ZZZ3: variants seen among roughly 807,000 people sequenced by gnomAD.
ZZZ3 encodes ZZ-type zinc finger-containing protein 3.
ZZZ3 carries 22 observed loss-of-function variants against 95.2 expected under a neutral mutation model. The observed-to-expected ratio is 0.23, with a 90% CI of 0.17 to 0.33. ZZZ3 has a LOEUF of 0.33. Among genes scored for constraint, ZZZ3 ranks in the 10% least tolerant of loss-of-function variants. The pLI is 1.00. For synonymous variants in ZZZ3, 335 were observed against 358.9 expected (o/e 0.93, Z 0.75); for missense variants, 885 against 1,066.5 (o/e 0.83, Z 2.37).
chr1:77,654,024 T>C (rs766749998), intron 1 of ZZZ3, among the ~76,000 whole-genome samples: 8 of 151,350 alleles, frequency 5.3e-5, no homozygotes, highest in Admixed American at 4.6e-4. Flanking sequence ...CCGTCTCTAC[T>C]AAAAATACAA....
chr1:77,643,744 C>G (rs900322239), intron 1 of ZZZ3, among the ~76,000 whole-genome samples: 6 of 152,216 alleles, frequency 3.9e-5, no homozygotes, highest in Non-Finnish European at 7.3e-5. Context: ...GTAAATCTCA[C>G]TAGAAGATAC....
rs1340781080 is a variant in ZZZ3 at position 77,633,015 on chromosome 1, G to T, written c.340C>A (p.Pro114Thr). 1.2e-6 allele frequency: 2 copies of T among 1,613,778 alleles called. No individual in the cohort carries two copies. Among genetic ancestry groups the T allele is most frequent in the East Asian group, 4.5e-5 (2 of 44,886 alleles). Residue 114 changes from proline to threonine, a missense_variant, in exon 5 of 15, where the codon CCA becomes ACA. By Grantham distance (38) the Pro-to-Thr change is conservative (BLOSUM62 -1). Around this residue, in one of 5 missense-constraint regions of ZZZ3, gnomAD observed 556 missense variants for 652.9 expected, o/e 0.85. Coordinates refer to ENST00000370801, the MANE Select transcript of ZZZ3 (RefSeq NM_015534.6). The part of the protein sequence containing the change: ...CERRQTEPVS[P>T]VLKRIKRCLR... The stretch of plus-strand genomic sequence containing the variant: ...CAACGCTTAATTCTTTTTAAAACTG[G>T]TGAAACAGGTTCTGTTTGCCTTCTC...
intron 5 of ZZZ3, among the ~76,000 whole-genome samples, chr1:77,625,986 G>C (rs1477494050): frequency 6.6e-6 from 1 of 151,498 alleles, no homozygotes; most frequent in South Asian, 2.1e-4. Context: ...GACAGAGTGA[G>C]ACCCTGTCTC....
At chr1:77,659,013 G>C (rs1670542948) in intron 1 of ZZZ3, among the ~76,000 whole-genome samples, 1 of 152,122 alleles carries the variant, frequency 6.6e-6, no homozygotes, top group East Asian at 1.9e-4. Context: ...GAGGTCAGGA[G>C]TTCGAGACCA....
At chr1:77,607,767 C>A (rs945067095) in intron 5 of ZZZ3, among the ~76,000 whole-genome samples, 4 of 151,898 alleles carry the variant, frequency 2.6e-5, no homozygotes, top group Admixed American at 6.6e-5. Flanking sequence ...CCTAAAAATA[C>A]AAAAATTAGC....
chr1:77,590,202 T>G lies in ZZZ3; in HGVS notation c.1506-5547A>C, dbSNP rs184061770. Among the ~76,000 whole-genome samples, 235 of 152,250 alleles carry G rather than the reference T, an allele frequency of 1.5e-3. 1 individual carries two copies. The highest frequency in any genetic ancestry group is 2.7e-3 in the Non-Finnish European group (184 of 67,990). ...AGCCTGGCCAACATGGTGAAGCCCC[T>G]GTCTCTACTAAAAATACAAAAATTA... On this transcript the variant is annotated intron_variant, in intron 5 of 14. Transcript: ENST00000370801.
intron 1 of ZZZ3, among the ~76,000 whole-genome samples, chr1:77,657,601 T>A (rs943624826): frequency 6.6e-6 from 1 of 152,170 alleles, no homozygotes; most frequent in African/African-American, 2.4e-5. Flanking sequence ...GCCAGACATA[T>A]TGATTTGGGG....
At chr1:77,676,573 G>A (rs186131220) in intron 1 of ZZZ3, among the ~76,000 whole-genome samples, 19 of 152,160 alleles carry the variant, frequency 1.2e-4, no homozygotes, top group Non-Finnish European at 2.4e-4. Context: ...TTCAAATTCT[G>A]GCTGACAAGA....
chr1:77,577,109 C>T (rs1353652310), intron 11 of ZZZ3, among the ~76,000 whole-genome samples: 1 of 152,186 alleles, frequency 6.6e-6, no homozygotes, highest in Non-Finnish European at 1.5e-5. Flanking sequence ...TGATCAATAG[C>T]ACAGTCACAA....
rs1660518491 is a variant in ZZZ3, at chr1:77,562,738, G to T, written c.*2902C>A. Reference sequence around the variant, plus strand: ...TTTGCAAGCCTGGACATATGCTCAGGTTTGTACTCTTAGGAAGCACACCAC... The same window carrying T: ...TTTGCAAGCCTGGACATATGCTCAGTTTTGTACTCTTAGGAAGCACACCAC... On this transcript the variant is annotated 3_prime_UTR_variant, in exon 15 of 15. Transcript: ENST00000370801. 6.6e-6 allele frequency: 1 copy of T among 152,214 alleles called. No homozygotes were observed. The allele number at this position is 152,214 out of a possible 1,614,324, so 9.4% of individuals were successfully genotyped here.
intron 5 of ZZZ3, among the ~76,000 whole-genome samples, chr1:77,587,926 CTTTAT>C (rs946008076): frequency 3.9e-5 from 6 of 152,132 alleles, no homozygotes; most frequent in Non-Finnish European, 5.9e-5. Flanking sequence ...TGTATTTTCT[CTTTAT>C]TTTGATTTTC....
At chr1:77,583,280 A>G (rs1015861528) in intron 6 of ZZZ3, among the ~76,000 whole-genome samples, 1 of 152,228 alleles carries the variant, frequency 6.6e-6, no homozygotes, top group African/African-American at 2.4e-5. Flanking sequence ...TTTCATTAGT[A>G]AAGTAAAAAT....
intron 1 of ZZZ3, among the ~76,000 whole-genome samples, chr1:77,659,104 G>T (rs939449055): frequency 6.6e-6 from 1 of 151,988 alleles, no homozygotes; most frequent in Non-Finnish European, 1.5e-5. Context: ...TGTAATCCCA[G>T]CTACTAGGGA....
At chr1:77,603,484 C>T (rs1483171435) in intron 5 of ZZZ3, among the ~76,000 whole-genome samples, 7 of 152,156 alleles carry the variant, frequency 4.6e-5, no homozygotes, top group Admixed American at 4.6e-4. Context: ...TTCTCTTCCA[C>T]CTGCAAAAGT....
At chr1:77,654,164 G>C (rs1356021904) in intron 1 of ZZZ3, among the ~76,000 whole-genome samples, 2 of 144,012 alleles carry the variant, frequency 1.4e-5, no homozygotes, top group Admixed American at 1.4e-4. Context: ...CTCCAGCCTG[G>C]GCAACAGCGA....
At chr1:77,628,436 C>T (rs1474906988) in intron 5 of ZZZ3, among the ~76,000 whole-genome samples, 2 of 152,174 alleles carry the variant, frequency 1.3e-5, no homozygotes, top group Non-Finnish European at 2.9e-5. Context: ...TATAAAAGCA[C>T]ACTGTGGATT....
At chr1:77,607,622 C>T (rs903594586) in intron 5 of ZZZ3, among the ~76,000 whole-genome samples, 1 of 152,062 alleles carries the variant, frequency 6.6e-6, no homozygotes, top group African/African-American at 2.4e-5. Context: ...TTAAGACAGG[C>T]TATTTGAAAA....
chr1:77,590,425 T>G (rs990282627), intron 5 of ZZZ3, among the ~76,000 whole-genome samples: 1 of 152,160 alleles, frequency 6.6e-6, no homozygotes, highest in African/African-American at 2.4e-5. Flanking sequence ...CTAACTAAAG[T>G]TTTATTGGAA....
chr1:77,610,437 G>A (rs939524598), intron 5 of ZZZ3, among the ~76,000 whole-genome samples: 4 of 151,864 alleles, frequency 2.6e-5, no homozygotes, highest in African/African-American at 4.8e-5. Context: ...AAAAATAGAG[G>A]AGGAGGGAAT....
Sources: gnomAD v4.1 joint callset for allele counts (sites outside exome capture counted in the v4.1 genomes callset) on GRCh38, gnomAD v4.1.1 for gene constraint, gnomAD v4.1.1 regional missense constraint, MANE v1.5 for transcripts, NCBI Gene and HGNC (gene_info 2026-07-23, HGNC 2026-07-21) for gene names.